The following WWOX variants were observed in gnomAD, a reference collection of about 807,000 sequenced individuals.
WWOX encodes WW domain containing oxidoreductase.
Under a neutral mutation model 46.2 loss-of-function variants are expected in WWOX, and 69 were observed. The ratio of observed to expected loss-of-function variants is 1.49; its 90% CI spans 1.23 to 1.82. WWOX has a LOEUF of 1.82. Ranked by LOEUF, WWOX falls within the 40% of genes most tolerant of loss-of-function variation. The pLI is 0.00. For missense variants in WWOX, 919 were observed against 542.6 expected, an observed-to-expected ratio of 1.69 and a Z score of -6.89; for synonymous variants, 359 against 202.6, an observed-to-expected ratio of 1.77 and a Z score of -6.56.
At chr16:78,111,009 T>C (rs948117681) in intron 3 of WWOX, among the ~76,000 whole-genome samples, 3 of 151,624 alleles carry the variant, frequency 2.0e-5, no homozygotes, top group Non-Finnish European at 4.4e-5. Context: ...AGCAGGAATT[T>C]TTTTTTTTTT....
At chr16:79,112,108 C>G (rs1320875305) in intron 8 of WWOX, among the ~76,000 whole-genome samples, 1 of 152,152 alleles carries the variant, frequency 6.6e-6, no homozygotes, top group African/African-American at 2.4e-5. Flanking sequence ...AATCTTCTCT[C>G]TCTCCCTCCT....
chr16:78,537,057 C>T (rs2043776582), intron 8 of WWOX, among the ~76,000 whole-genome samples: 1 of 152,078 alleles, frequency 6.6e-6, no homozygotes, highest in African/African-American at 2.4e-5. Flanking sequence ...GCTGGGACTA[C>T]AGGCATGTAC....
intron 8 of WWOX, among the ~76,000 whole-genome samples, chr16:78,607,297 A>G (rs182985228): frequency 7.9e-5 from 12 of 152,338 alleles, no homozygotes; most frequent in Admixed American, 1.3e-4. Flanking sequence ...AAATAGTTGT[A>G]AGAATCGGGG....
chr16:78,104,655 A>T (rs1186338973), intron 1 of WWOX, among the ~76,000 whole-genome samples: 1 of 152,160 alleles, frequency 6.6e-6, no homozygotes, highest in East Asian at 1.9e-4. Flanking sequence ...AAAATCAAAG[A>T]CGGCTTCTAT....
At chr16:78,175,895 T>C (rs1381841698) in intron 5 of WWOX, among the ~76,000 whole-genome samples, 1 of 152,142 alleles carries the variant, frequency 6.6e-6, no homozygotes, top group Non-Finnish European at 1.5e-5. Context: ...GGATAAGACA[T>C]GTATACTTAC....
intron 8 of WWOX, among the ~76,000 whole-genome samples, chr16:79,133,873 C>T (rs1056177166): frequency 2.2e-4 from 34 of 152,008 alleles, no homozygotes; most frequent in African/African-American, 7.3e-4. Context: ...AAAAAATGTG[C>T]AAAATCTTGG....
At chr16:79,184,324 C>T (rs1384119304) in intron 8 of WWOX, among the ~76,000 whole-genome samples, 1 of 152,142 alleles carries the variant, frequency 6.6e-6, no homozygotes, top group Non-Finnish European at 1.5e-5. Context: ...TCAACAAATG[C>T]TTTTGAACAC....
intron 8 of WWOX, among the ~76,000 whole-genome samples, chr16:78,590,602 C>T (rs961329722): frequency 3.9e-5 from 6 of 152,188 alleles, no homozygotes; most frequent in Admixed American, 3.3e-4. Flanking sequence ...ACCAAGTTCT[C>T]CTGCAGTTTG....
intron 8 of WWOX, among the ~76,000 whole-genome samples, chr16:78,738,912 C>T (rs1268331293): frequency 6.6e-6 from 1 of 152,140 alleles, no homozygotes; most frequent in African/African-American, 2.4e-5. Context: ...TAGTGCTGAT[C>T]ATTTGCCTTC....
chr16:78,403,153 A>G (rs1402058485), intron 6 of WWOX, among the ~76,000 whole-genome samples: 1 of 152,214 alleles, frequency 6.6e-6, no homozygotes, highest in Non-Finnish European at 1.5e-5. Flanking sequence ...GAGATGTTTT[A>G]TTTTTTGAGT....
intron 5 of WWOX, among the ~76,000 whole-genome samples, chr16:78,250,867 C>T (rs1178736120): frequency 6.6e-6 from 1 of 152,196 alleles, no homozygotes; most frequent in African/African-American, 2.4e-5. Context: ...CCCCTAACAA[C>T]CTCTACCTGG....
chr16:78,410,217 C>T (rs1334036325), intron 6 of WWOX, among the ~76,000 whole-genome samples: 1 of 152,214 alleles, frequency 6.6e-6, no homozygotes, highest in Non-Finnish European at 1.5e-5. Flanking sequence ...GCACATGCTT[C>T]TTGTAGAGTC....
At chr16:78,728,348 T>G (rs2048886558) in intron 8 of WWOX, among the ~76,000 whole-genome samples, 1 of 152,070 alleles carries the variant, frequency 6.6e-6, no homozygotes, top group African/African-American at 2.4e-5. Context: ...AGGATGATGA[T>G]AGGCAGGAGC....
chr16:79,050,781 T>C (rs1278386975), intron 8 of WWOX, among the ~76,000 whole-genome samples: 2 of 152,322 alleles, frequency 1.3e-5, no homozygotes, highest in Admixed American at 1.3e-4. Flanking sequence ...GGGTCGAACC[T>C]GTTGAAGGCC....
intron 8 of WWOX, among the ~76,000 whole-genome samples, chr16:78,646,386 G>A (rs560397635): frequency 3.3e-5 from 5 of 152,066 alleles, no homozygotes; most frequent in African/African-American, 1.2e-4. Context: ...CTCCATCTTA[G>A]CCCTTCTTTC....
At chr16:78,200,972 C>G (rs1331656652) in intron 5 of WWOX, among the ~76,000 whole-genome samples, 1 of 152,130 alleles carries the variant, frequency 6.6e-6, no homozygotes, top group African/African-American at 2.4e-5. Flanking sequence ...TTACTTCTGC[C>G]TTTTAAATAG....
intron 8 of WWOX, among the ~76,000 whole-genome samples, chr16:78,714,227 G>C (rs1295262782): frequency 6.6e-6 from 1 of 152,064 alleles, no homozygotes; most frequent in Non-Finnish European, 1.5e-5. Flanking sequence ...CCTGAGATGG[G>C]GTAATTTGTA....
intron 8 of WWOX, among the ~76,000 whole-genome samples, chr16:78,758,169 AG>A (rs2049702957): frequency 6.6e-6 from 1 of 152,186 alleles, no homozygotes; most frequent in African/African-American, 2.4e-5. Flanking sequence ...TCCATCGTAA[AG>A]GGAAGATCAA....
At chr16:78,842,722 C>T (rs2052190798) in intron 8 of WWOX, among the ~76,000 whole-genome samples, 2 of 152,050 alleles carry the variant, frequency 1.3e-5, no homozygotes, top group South Asian at 4.1e-4. Flanking sequence ...AAAATCAACT[C>T]ACACCTGTAG....
Sources: allele counts gnomAD v4.1 joint callset (sites outside exome capture counted in the v4.1 genomes callset), GRCh38; gene constraint gnomAD v4.1.1; transcripts MANE v1.5; gene names NCBI Gene and HGNC (gene_info 2026-07-23, HGNC 2026-07-21).